Variants in DOCK1 observed in about 807,000 individuals in gnomAD.
DOCK1 encodes the protein dedicator of cytokinesis protein 1.
Under a neutral mutation model 262.7 loss-of-function variants are expected in DOCK1, and 138 were observed. The ratio of observed to expected loss-of-function variants is 0.53; its 90% CI spans 0.46 to 0.61. DOCK1 has a LOEUF of 0.61. DOCK1 is among the 20% of genes least tolerant of loss of function. The probability of loss-of-function intolerance (pLI) is 0.00; values close to 1 mark genes in which losing one functional copy is unlikely to be tolerated. For synonymous variants in DOCK1, 866 were observed against 867.4 expected (o/e 1.00, Z 0.03); for missense variants, 1,908 against 2,370.7 (o/e 0.80, Z 4.05).
At chr10:127,053,235 G>T (rs1395142728) in intron 22 of DOCK1, among the ~76,000 whole-genome samples, 1 of 152,220 alleles carries the variant, frequency 6.6e-6, no homozygotes, top group Non-Finnish European at 1.5e-5. Context: ...CCAGCTACTT[G>T]GGAGGCTGAG....
intron 1 of DOCK1, among the ~76,000 whole-genome samples, chr10:126,946,700 G>C (rs2035435862): frequency 6.6e-6 from 1 of 152,206 alleles, no homozygotes. Flanking sequence ...TAATTTCGCA[G>C]AGCACAGTAT....
chr10:127,254,687 C>T (rs1377060948), intron 28 of DOCK1, among the ~76,000 whole-genome samples: 5 of 152,334 alleles, frequency 3.3e-5, no homozygotes, highest in South Asian at 2.1e-4. Context: ...AATCCTTCAT[C>T]GGATGGGTTG....
chr10:127,123,055 TCTGATTTTCTG>T (rs2049711242), intron 25 of DOCK1, among the ~76,000 whole-genome samples: 2 of 152,218 alleles, frequency 1.3e-5, no homozygotes, highest in Non-Finnish European at 2.9e-5. Flanking sequence ...GCTATGTTCC[TCTGATTTTCTG>T]GAATCACTTA....
chr10:127,002,749 T>C (rs1307666502), intron 10 of DOCK1, among the ~76,000 whole-genome samples: 1 of 152,214 alleles, frequency 6.6e-6, no homozygotes, highest in Non-Finnish European at 1.5e-5. Flanking sequence ...CTGTGTGGCC[T>C]CCAGGGACTT....
At chr10:126,908,170 C>T (rs999748804) in intron 1 of DOCK1, among the ~76,000 whole-genome samples, 1 of 152,188 alleles carries the variant, frequency 6.6e-6, no homozygotes, top group Non-Finnish European at 1.5e-5. Flanking sequence ...ATGGGGCCAT[C>T]CCAGGCTCCC....
chr10:127,092,442 T>G (rs1256312224), intron 23 of DOCK1, among the ~76,000 whole-genome samples: 1 of 152,184 alleles, frequency 6.6e-6, no homozygotes, highest in Non-Finnish European at 1.5e-5. Flanking sequence ...GTGCCACACA[T>G]GGGTCCGATT....
At chr10:127,418,569 C>T (rs1173151614) in intron 45 of DOCK1, 28 bp downstream of exon 45, 1 of 1,601,198 alleles carries the variant, frequency 6.2e-7, no homozygotes, top group East Asian at 2.2e-5. Flanking sequence ...TTGCTCTGGG[C>T]AAGCAGTCCT....
chr10:127,061,602 G>A, intron 22 of DOCK1, 66 bp from the exon 23 acceptor site: 1 of 1,340,290 alleles, frequency 7.5e-7, no homozygotes, highest in South Asian at 1.3e-5. Context: ...CATGGCTATA[G>A]ACATGGATTC....
At chr10:127,218,749 T>G (rs2058312288) in intron 27 of DOCK1, among the ~76,000 whole-genome samples, 1 of 152,198 alleles carries the variant, frequency 6.6e-6, no homozygotes, top group Non-Finnish European at 1.5e-5. Flanking sequence ...GTTCACTTTG[T>G]GATGTTATAA....
chr10:126,912,913 A>G (rs577318269), intron 1 of DOCK1, among the ~76,000 whole-genome samples: 2 of 152,200 alleles, frequency 1.3e-5, no homozygotes, highest in African/African-American at 4.8e-5. Context: ...GACACAGTGT[A>G]GCCCATAACA....
At chr10:127,321,857 C>T (rs10829759) in intron 29 of DOCK1, among the ~76,000 whole-genome samples, 51,819 of 151,984 alleles carry the variant, frequency 0.34, 9,377 homozygotes, top group East Asian at 0.43. Flanking sequence ...AATCCCAGCA[C>T]TTTGGGAGGC....
chr10:127,371,237 T>C (rs1348222638), intron 33 of DOCK1, among the ~76,000 whole-genome samples: 2 of 152,232 alleles, frequency 1.3e-5, no homozygotes, highest in African/African-American at 4.8e-5. Flanking sequence ...AGGCTAGTTG[T>C]GGATCTCTGG....
chr10:127,423,477 G>C (rs77617427), intron 46 of DOCK1, among the ~76,000 whole-genome samples: 2,252 of 152,238 alleles, frequency 0.015, 50 homozygotes, highest in African/African-American at 0.046. Context: ...ACACTGTGTG[G>C]TGCCTCTTGT....
In DOCK1 at chr10:127,337,865, C is replaced by T. The variant is rs377099992; in HGVS notation, c.3045-1141C>T. Among the ~76,000 whole-genome samples the T allele has an allele frequency of 1.2e-4, 18 of 152,302 alleles. No individual in the cohort carries two copies. The East Asian group carries it at 2.5e-3, about 21-fold the overall frequency. On this transcript the variant is annotated intron_variant, in intron 29 of 51. Transcript: ENST00000623213. ...TTCTCAGAGCGGCACGCAGTGTGAG[C>T]GTGAGAGAATCTGCAGTGACAGCGG...
intron 13 of DOCK1, among the ~76,000 whole-genome samples, chr10:127,020,927 A>G (rs910781910): frequency 6.6e-6 from 1 of 152,150 alleles, no homozygotes; most frequent in Non-Finnish European, 1.5e-5. Flanking sequence ...CTACTTTCTC[A>G]TAGCTCGTTG....
At chr10:127,051,646 G>C (rs184435351) in intron 21 of DOCK1, among the ~76,000 whole-genome samples, 1 of 152,034 alleles carries the variant, frequency 6.6e-6, no homozygotes, top group Non-Finnish European at 1.5e-5. Flanking sequence ...GCAGTAGCGC[G>C]ATCTTGGCTC....
chr10:126,967,638 G>A (rs1378962300), intron 1 of DOCK1, among the ~76,000 whole-genome samples: 1 of 151,938 alleles, frequency 6.6e-6, no homozygotes, highest in East Asian at 1.9e-4. Context: ...CTTCCTCACC[G>A]CTTCCAGCTT....
At chr10:126,985,871 G>T (rs770936226) in intron 4 of DOCK1, among the ~76,000 whole-genome samples, 38 of 152,094 alleles carry the variant, frequency 2.5e-4, no homozygotes, top group Non-Finnish European at 4.6e-4. Flanking sequence ...TTGAGATGGT[G>T]TCTCGCTTTG....
At chr10:127,082,268 C>G (rs1001120533) in intron 23 of DOCK1, among the ~76,000 whole-genome samples, 1 of 152,114 alleles carries the variant, frequency 6.6e-6, no homozygotes, top group East Asian at 1.9e-4. Flanking sequence ...CTGTCCAGGT[C>G]CTGAGAATTG....
Sources: allele counts gnomAD v4.1 joint callset (sites outside exome capture counted in the v4.1 genomes callset), GRCh38; gene constraint gnomAD v4.1.1; transcripts MANE v1.5; gene names NCBI Gene and HGNC (gene_info 2026-07-23, HGNC 2026-07-21).